DYNC1LI2: variants seen among roughly 807,000 people sequenced by gnomAD.
The protein encoded by DYNC1LI2 is cytoplasmic dynein 1 light intermediate chain 2.
Under a neutral mutation model 57.8 loss-of-function variants are expected in DYNC1LI2, and 19 were observed. That is an observed-to-expected ratio of 0.33 (90% confidence interval 0.23 to 0.48). The LOEUF is 0.48. Ranked by LOEUF, DYNC1LI2 falls within the 20% of genes least tolerant of loss-of-function variation. DYNC1LI2 has a pLI of 0.99. For synonymous variants in DYNC1LI2, 256 were observed against 233.4 expected (o/e 1.10, Z -0.88); for missense variants, 470 against 604.2 (o/e 0.78, Z 2.33).
intron 7 of DYNC1LI2, chr16:66,730,487 C>T (rs1268450388): frequency 9.3e-6 from 3 of 322,844 alleles, no homozygotes; most frequent in Non-Finnish European, 1.7e-5. Flanking sequence ...GGCTGCCCCA[C>T]TCAAAAGCAT....
intron 4 of DYNC1LI2, 49 bp from the exon 5 acceptor site, chr16:66,736,293 A>G (rs1225310925): frequency 3.1e-6 from 5 of 1,595,464 alleles, no homozygotes; most frequent in South Asian, 1.1e-5. Flanking sequence ...ATAAAAATAC[A>G]TGTTAGCTTT....
intron 6 of DYNC1LI2, 30 bp from the exon 7 acceptor site, chr16:66,732,504 C>A: frequency 6.2e-7 from 1 of 1,600,864 alleles, no homozygotes. Flanking sequence ...AAAATCAATT[C>A]ACTGCAGGAG....
At chr16:66,742,415 T>G in intron 4 of DYNC1LI2, 23 bp downstream of exon 4, 2 of 1,607,640 alleles carry the variant, frequency 1.2e-6, no homozygotes, top group Non-Finnish European at 1.7e-6. Context: ...ACTTCCCAAT[T>G]AAGAAAATTA....
intron 12 of DYNC1LI2, 67 bp from the exon 13 acceptor site, chr16:66,723,889 G>C (rs975402184): frequency 7.2e-7 from 1 of 1,383,600 alleles, no homozygotes; most frequent in Non-Finnish European, 9.9e-7. Flanking sequence ...TTTTTTAAAG[G>C]AGCATTTAAA....
At chr16:66,734,996 T>TAAAAA (rs2017705788) in intron 5 of DYNC1LI2, among the ~76,000 whole-genome samples, 1 of 12,622 alleles carries the variant, frequency 7.9e-5, no homozygotes, top group African/African-American at 5.6e-4. Context: ...AAACTCCGTC[T>TAAAAA]CAAAAAAAAA....
Position 66,730,139 on chromosome 16 carries a change from G to A in DYNC1LI2, c.1014C>T (p.Asp338=), listed in dbSNP as rs1379937244. ...TTCTCACGGGAGGTTTCACAATAAA[G>A]TCTTCATATGCATCTTCCGGCTTCA... ...TTVKPEDAYE[D]FIVKPPVRKL... is the part of the protein sequence containing the mutation. The change falls in exon 8 of 13, where the codon GAC becomes GAT. Residue 338 remains aspartate (D), a synonymous_variant. Transcript: ENST00000258198. 1 of 1,613,824 alleles carries A rather than the reference G, an allele frequency of 6.2e-7. No homozygotes were observed. Among genetic ancestry groups the A allele is most frequent in the Non-Finnish European group, 8.5e-7 (1 of 1,179,988 alleles).
At chr16:66,727,564 G>A (rs1484469634) in intron 11 of DYNC1LI2, 124 bp downstream of exon 11, 17 of 849,236 alleles carry the variant, frequency 2.0e-5, no homozygotes, top group East Asian at 2.6e-5. Flanking sequence ...AGCCCTTATC[G>A]GGGAAGAGAA....
In DYNC1LI2 at chr16:66,732,452, T is replaced by A. The variant is rs775799964; in HGVS notation, c.816A>T (p.Thr272=). ...CLQYGAALIY[T]SVKEEKNLDL... is the part of the protein sequence containing the mutation. ...CGAGGTTTTTCTCTTCTTTCACTGA[T>A]GTGTAAATCAAGGCAGCTCCATCTA... Residue 272 remains threonine, a synonymous_variant, in exon 7 of 13, where the codon ACA becomes ACT. Transcript: ENST00000258198. 1 of 1,612,964 alleles carries A rather than the reference T, an allele frequency of 6.2e-7. No homozygotes were observed. Among genetic ancestry groups the A allele is most frequent in the Admixed American group, 1.7e-5 (1 of 59,898 alleles).
intron 3 of DYNC1LI2, among the ~76,000 whole-genome samples, chr16:66,746,972 T>C (rs1485894980): frequency 6.6e-6 from 1 of 152,134 alleles, no homozygotes; most frequent in Non-Finnish European, 1.5e-5. Flanking sequence ...ACATGTGAGA[T>C]CCTCTGGCCA....
chr16:66,746,193 T>C (rs1329525825), intron 3 of DYNC1LI2, among the ~76,000 whole-genome samples: 1 of 152,118 alleles, frequency 6.6e-6, no homozygotes, highest in African/African-American at 2.4e-5. Context: ...TCCACAGGCA[T>C]GGTTCCTTTT....
chr16:66,734,360 C>T (rs763992712), intron 5 of DYNC1LI2, 49 bp from the exon 6 acceptor site: 93 of 1,550,568 alleles, frequency 6.0e-5, no homozygotes, highest in Non-Finnish European at 7.5e-5. Flanking sequence ...TGCCTGCTGA[C>T]GATGGGAACA....
At chr16:66,742,218 T>C (rs755527003) in intron 4 of DYNC1LI2, among the ~76,000 whole-genome samples, 3 of 152,220 alleles carry the variant, frequency 2.0e-5, no homozygotes, top group Non-Finnish European at 2.9e-5. Flanking sequence ...ATGAAGATAA[T>C]AAATATTGAT....
intron 8 of DYNC1LI2, 49 bp from the exon 9 acceptor site, chr16:66,729,148 ACCAC>A: frequency 6.2e-7 from 1 of 1,603,544 alleles, no homozygotes; most frequent in Non-Finnish European, 8.5e-7. Flanking sequence ...AATACTCCTA[ACCAC>A]TGTCAAACTT....
chr16:66,748,189 G>C (rs2145009937), intron 3 of DYNC1LI2, among the ~76,000 whole-genome samples: 1 of 146,700 alleles, frequency 6.8e-6, no homozygotes, highest in East Asian at 2.1e-4. Context: ...GAGGTGGAAG[G>C]ATGACCCGAG....
chr16:66,750,142 C>G (rs1597000883), intron 2 of DYNC1LI2, among the ~76,000 whole-genome samples: 1 of 152,318 alleles, frequency 6.6e-6, no homozygotes, highest in Admixed American at 6.5e-5. Context: ...TCAGTACCTG[C>G]TCATTTTGAG....
intron 3 of DYNC1LI2, among the ~76,000 whole-genome samples, chr16:66,744,968 A>G (rs768237431): frequency 6.6e-6 from 1 of 152,136 alleles, no homozygotes; most frequent in Non-Finnish European, 1.5e-5. Context: ...GTTGGAATGC[A>G]GTGGTGCAAG....
chr16:66,749,586 G>A (rs548537185), intron 2 of DYNC1LI2, among the ~76,000 whole-genome samples: 12 of 152,208 alleles, frequency 7.9e-5, no homozygotes, highest in African/African-American at 2.4e-4. Flanking sequence ...AGGTCCACAG[G>A]CCCTATCTAT....
chr16:66,728,013 AGTT>A (rs1426905644), intron 10 of DYNC1LI2, 185 bp downstream of exon 10: 5 of 903,230 alleles, frequency 5.5e-6, no homozygotes, highest in Non-Finnish European at 8.3e-6. Context: ...TAATTCCCAG[AGTT>A]GTATTCTTTC....
At position 66,751,456 on chromosome 16, in the gene DYNC1LI2, C is replaced by T. The variant is rs1301750111; in HGVS notation, c.107+29G>A. 3 of 1,579,944 alleles carry T rather than the reference C, an allele frequency of 1.9e-6. No homozygotes were observed. Among genetic ancestry groups the T allele is most frequent in the Admixed American group, 3.6e-5 (2 of 55,134 alleles). On this transcript the variant is annotated intron_variant, in intron 1 of 12. Transcript: ENST00000258198. This position sits in a 1 kb window ranked among gnomAD's most constrained non-coding sequence, Gnocchi z 5.2. ...TCCGGCCCAGAGGCCGCGCCCCCCA[C>T]GGCCCGGCCCGACCGCCCGCGGCCT...
Sources: allele counts gnomAD v4.1 joint callset (sites outside exome capture counted in the v4.1 genomes callset), GRCh38; gene constraint gnomAD v4.1.1; non-coding constraint Gnocchi (gnomAD v3.1); transcripts MANE v1.5; gene names NCBI Gene and HGNC (gene_info 2026-07-23, HGNC 2026-07-21).